Variants in NMNAT2 observed in about 807,000 individuals in gnomAD.
The protein encoded by NMNAT2 is nicotinamide nucleotide adenylyltransferase 2, also known as nicotinamide/nicotinic acid mononucleotide adenylyltransferase 2.
NMNAT2 carries 11 observed loss-of-function variants against 41.6 expected under a neutral mutation model. The observed-to-expected ratio is 0.26, with a 90% CI of 0.17 to 0.44. NMNAT2 has a LOEUF of 0.44. Ranked by LOEUF, NMNAT2 falls within the 20% of genes least tolerant of loss-of-function variation. NMNAT2 has a pLI of 1.00. For synonymous variants in NMNAT2, 148 were observed against 151.2 expected (o/e 0.98, Z 0.16); for missense variants, 288 against 407.7 (o/e 0.71, Z 2.53).
chr1:183,344,015 A>G (rs1214321853), intron 1 of NMNAT2, among the ~76,000 whole-genome samples: 2 of 152,158 alleles, frequency 1.3e-5, no homozygotes, highest in Non-Finnish European at 2.9e-5. Context: ...GTCTTTGCCC[A>G]TAATATTCTC....
chr1:183,285,397 G>A (rs934905836), intron 5 of NMNAT2, among the ~76,000 whole-genome samples: 6 of 152,172 alleles, frequency 3.9e-5, no homozygotes, highest in Non-Finnish European at 5.9e-5. Flanking sequence ...GGGCTAAGGC[G>A]CTCCTTCCCA....
intron 1 of NMNAT2, 151 bp downstream of exon 1, chr1:183,418,032 A>G (rs1649304138): frequency 1.4e-6 from 1 of 717,768 alleles, no homozygotes; most frequent in East Asian, 2.6e-5. Flanking sequence ...CCCTGAGTCC[A>G]AAATGAAGGG....
intron 7 of NMNAT2, chr1:183,283,628 T>G (rs1447038454): frequency 5.0e-5 from 17 of 342,882 alleles, no homozygotes; most frequent in Non-Finnish European, 1.1e-5. Context: ...AAGCACTGAA[T>G]GAGGAAGGCC....
intron 1 of NMNAT2, among the ~76,000 whole-genome samples, chr1:183,404,435 G>A (rs1165415510): frequency 6.6e-6 from 1 of 152,186 alleles, no homozygotes; most frequent in Non-Finnish European, 1.5e-5. Context: ...CATATTAAGG[G>A]GGAATGCATA....
At chr1:183,416,722 C>G (rs967113129) in intron 1 of NMNAT2, among the ~76,000 whole-genome samples, 2 of 152,076 alleles carry the variant, frequency 1.3e-5, no homozygotes, top group African/African-American at 4.8e-5. Context: ...CAAAGTAGTT[C>G]TATATTCTTT....
At chr1:183,321,279 A>T (rs949261633) in intron 1 of NMNAT2, among the ~76,000 whole-genome samples, 13 of 152,172 alleles carry the variant, frequency 8.5e-5, no homozygotes, top group Non-Finnish European at 1.9e-4. Context: ...TATTATGTTC[A>T]TGAAGCCCAA....
rs200274043 is a variant in NMNAT2, at chr1:183,251,300, C to T, written c.*1341G>A. 1 of 151,776 alleles carries T rather than the reference C, an allele frequency of 6.6e-6. No homozygotes were observed. Among genetic ancestry groups the T allele is most frequent in the East Asian group, 1.9e-4 (1 of 5,202 alleles). 9.4% of individuals were successfully genotyped at this position (151,776 alleles called of 1,614,324 possible). A position where few individuals can be genotyped will look rare whatever the true frequency, so the allele number is the denominator to read the frequency against. On this transcript the variant is annotated 3_prime_UTR_variant, in exon 11 of 11. Coordinates refer to ENST00000287713, the MANE Select transcript of NMNAT2 (RefSeq NM_015039.4). ...GAAACAAGACCAAGGCACTGCTTCT[C>T]AAGAAGAAACTGACCTCATGCACTG...
In NMNAT2 at chr1:183,404,943, G is replaced by A. The variant is rs149217715; in HGVS notation, c.85+13240C>T. Among the ~76,000 whole-genome samples, 506 of 152,272 alleles carry A rather than the reference G, an allele frequency of 3.3e-3. 3 individuals carry two copies. The highest frequency in any genetic ancestry group is 5.8e-3 in the Non-Finnish European group (394 of 68,018). ...GCACCAACTAAAAGGATCTCAGGCC[G>A]GGCGAGGTGGCTTAAGCCTGTAATC... On this transcript the variant is annotated intron_variant, in intron 1 of 10. Transcript: ENST00000287713.
intron 1 of NMNAT2, among the ~76,000 whole-genome samples, chr1:183,299,856 C>T (rs566672120): frequency 1.3e-5 from 2 of 152,262 alleles, no homozygotes; most frequent in Non-Finnish European, 1.5e-5. Context: ...ACTATACATA[C>T]ACCTTTTACC....
intron 8 of NMNAT2, among the ~76,000 whole-genome samples, chr1:183,269,939 A>T (rs1036509347): frequency 6.6e-6 from 1 of 152,072 alleles, no homozygotes; most frequent in Non-Finnish European, 1.5e-5. Context: ...GCTGGAGTGC[A>T]GTGGCGCCAT....
At chr1:183,295,908 G>T (rs1239089324) in intron 1 of NMNAT2, among the ~76,000 whole-genome samples, 1 of 152,114 alleles carries the variant, frequency 6.6e-6, no homozygotes, top group Non-Finnish European at 1.5e-5. Flanking sequence ...GAGTGCAGTG[G>T]CGCCATCTCA....
intron 1 of NMNAT2, among the ~76,000 whole-genome samples, chr1:183,321,952 G>A (rs1048273844): frequency 5.9e-5 from 9 of 151,836 alleles, no homozygotes; most frequent in African/African-American, 2.2e-4. Context: ...CTGAATAACT[G>A]GAGCCACAGG....
chr1:183,359,724 T>C lies in NMNAT2; in HGVS notation c.85+58459A>G, dbSNP rs72731433. 8.6e-3 allele frequency among the ~76,000 whole-genome samples: 1,315 copies of C among 152,024 alleles called. 13 individuals are homozygous for C. Among genetic ancestry groups the C allele is most frequent in the Non-Finnish European group, 0.016 (1,078 of 67,970 alleles). On this transcript the variant is annotated intron_variant, in intron 1 of 10. Transcript: ENST00000287713. ...CCCATGCCCAGATCTGGCTCAGCAGTGGGAGAGGGAAAATGGAGACACGTG... is the reference window on the plus strand; with the variant it reads ...CCCATGCCCAGATCTGGCTCAGCAGCGGGAGAGGGAAAATGGAGACACGTG...
intron 8 of NMNAT2, among the ~76,000 whole-genome samples, chr1:183,261,759 C>T (rs1046519753): frequency 6.6e-6 from 1 of 152,116 alleles, no homozygotes; most frequent in Non-Finnish European, 1.5e-5. Flanking sequence ...GGCTCACCCT[C>T]ATAAAAACTT....
At chr1:183,376,807 C>T (rs1368610597) in intron 1 of NMNAT2, among the ~76,000 whole-genome samples, 1 of 152,178 alleles carries the variant, frequency 6.6e-6, no homozygotes, top group Admixed American at 6.5e-5. Context: ...GCTCCAGCAA[C>T]CCCTTCATGC....
rs908678113 is a variant in NMNAT2, at chr1:183,291,018, G to A, written c.243-812C>T. On this transcript the variant is annotated intron_variant, in intron 3 of 10. Coordinates refer to ENST00000287713, the MANE Select transcript of NMNAT2 (RefSeq NM_015039.4). The stretch of plus-strand genomic sequence containing the variant: ...TGCAACCTCCATCTCCTGGGTTCAA[G>A]TGATTCTCCTGCCTCAGCCTCCTGA... 2.6e-5 allele frequency among the ~76,000 whole-genome samples: 4 copies of A among 152,176 alleles called. No individual in the cohort carries two copies. The South Asian group carries it at 8.3e-4, about 32-fold the overall frequency.
chr1:183,304,974 T>A, intron 1 of NMNAT2: 1 of 910,150 alleles, frequency 1.1e-6, no homozygotes, highest in South Asian at 2.0e-5. Flanking sequence ...ATGCTCCCGC[T>A]TGTAGGAGCC....
intron 5 of NMNAT2, among the ~76,000 whole-genome samples, chr1:183,285,827 A>G (rs895866107): frequency 2.6e-5 from 4 of 152,172 alleles, no homozygotes; most frequent in African/African-American, 9.7e-5. Context: ...ATAAGAACGC[A>G]GGTAAAGCAC....
At chr1:183,309,596 C>T (rs762626482) in intron 1 of NMNAT2, among the ~76,000 whole-genome samples, 3 of 152,332 alleles carry the variant, frequency 2.0e-5, no homozygotes, top group East Asian at 1.9e-4. Context: ...AATTTTGTTA[C>T]AGCTCATTCA....
Sources: allele counts gnomAD v4.1 joint callset (sites outside exome capture counted in the v4.1 genomes callset), GRCh38; gene constraint gnomAD v4.1.1; transcripts MANE v1.5; gene names NCBI Gene and HGNC (gene_info 2026-07-23, HGNC 2026-07-21).